The following PVT1 variants were observed in gnomAD, a reference collection of about 807,000 sequenced individuals.
PVT1 encodes CXCR4/PVT1 fusion.
At chr8:127,838,793 T>A (rs1488345645) in intron 2 of PVT1, among the ~76,000 whole-genome samples, 1 of 152,248 alleles carries the variant, frequency 6.6e-6, no homozygotes, top group Non-Finnish European at 1.5e-5. Flanking sequence ...ATCAATTAGC[T>A]CATTTCATCT....
At chr8:127,834,628 C>A (rs73353102) in intron 2 of PVT1, among the ~76,000 whole-genome samples, 3 of 152,130 alleles carry the variant, frequency 2.0e-5, no homozygotes, top group Non-Finnish European at 4.4e-5. Flanking sequence ...TCAGAGTCAA[C>A]AAGGAACCTA....
chr8:127,936,776 G>A (rs1816281319), intron 3 of PVT1, among the ~76,000 whole-genome samples: 1 of 152,270 alleles, frequency 6.6e-6, no homozygotes, highest in South Asian at 2.1e-4. Flanking sequence ...ACTTGAGCAG[G>A]TCTTTGCTCT....
chr8:127,990,291 C>T (rs1222578051), intron 4 of PVT1, among the ~76,000 whole-genome samples: 1 of 152,194 alleles, frequency 6.6e-6, no homozygotes, highest in Non-Finnish European at 1.5e-5. Flanking sequence ...TGCCCCTTCC[C>T]CTGCCCATTC....
intron 2 of PVT1, among the ~76,000 whole-genome samples, chr8:127,881,883 A>T (rs1481736462): frequency 6.6e-6 from 1 of 152,098 alleles, no homozygotes; most frequent in East Asian, 1.9e-4. Context: ...CTGGGACTAC[A>T]GGTGCGCCAC....
rs10105338 is a variant in PVT1 at position 128,060,814 on chromosome 8, T to C, written n.913-9346T>C. On this transcript the variant is annotated intron_variant and non_coding_transcript_variant, in intron 4 of 10. Coordinates refer to ENST00000651587, the Ensembl canonical transcript of PVT1. ...ATTTACATACCGTACAATTTACCAA[T>C]TTTAGAATATTTTCCTCATCTCAAA... 7.7e-3 allele frequency among the ~76,000 whole-genome samples: 1,168 copies of C among 152,328 alleles called. 18 individuals are homozygous for C. Among genetic ancestry groups the C allele is most frequent in the African/African-American group, 0.026 (1,099 of 41,578 alleles).
intron 3 of PVT1, among the ~76,000 whole-genome samples, chr8:127,955,881 G>A (rs893526001): frequency 6.6e-6 from 1 of 152,184 alleles, no homozygotes; most frequent in Non-Finnish European, 1.5e-5. Flanking sequence ...ACCACACCCG[G>A]CTGTAATATC....
At chr8:127,907,045 C>T (rs58086085) in intron 3 of PVT1, among the ~76,000 whole-genome samples, 5,229 of 151,760 alleles carry the variant, frequency 0.034, 325 homozygotes, top group African/African-American at 0.12. Context: ...ACTTCAACCT[C>T]CCTCTCCCGG....
At chr8:127,838,654 G>A (rs549351649) in intron 2 of PVT1, among the ~76,000 whole-genome samples, 19 of 152,300 alleles carry the variant, frequency 1.2e-4, no homozygotes, top group African/African-American at 4.6e-4. Flanking sequence ...TCAGTGAGTC[G>A]AGATGGTGCC....
chr8:127,826,504 C>A (rs1003289387), intron 2 of PVT1, among the ~76,000 whole-genome samples: 41 of 152,248 alleles, frequency 2.7e-4, no homozygotes, highest in African/African-American at 9.9e-4. Flanking sequence ...AGGGACCCAT[C>A]CAAGTTTGTC....
At position 127,873,670 on chromosome 8, in the gene PVT1, T is replaced by G. The variant is rs562473514; in HGVS notation, n.373-16919T>G. Among the ~76,000 whole-genome samples the G allele has an allele frequency of 2.6e-5, 4 of 152,278 alleles. No homozygotes were observed. The East Asian group carries it at 7.7e-4, about 29-fold the overall frequency. ...TAGGAATGTTAAATACCCCTCTTGG[T>G]GTACACAGTATGCAATGGAGGCAGG... On this transcript the variant is annotated intron_variant and non_coding_transcript_variant, in intron 2 of 10. Coordinates refer to ENST00000651587, the Ensembl canonical transcript of PVT1.
At chr8:128,007,848 C>T (rs1003148453) in intron 4 of PVT1, among the ~76,000 whole-genome samples, 5 of 152,188 alleles carry the variant, frequency 3.3e-5, no homozygotes, top group Non-Finnish European at 7.3e-5. Flanking sequence ...CAGTGGACAC[C>T]CACCTAATTT....
intron 2 of PVT1, among the ~76,000 whole-genome samples, chr8:127,877,674 C>A (rs1815420618): frequency 6.6e-6 from 1 of 152,186 alleles, no homozygotes; most frequent in African/African-American, 2.4e-5. Flanking sequence ...TCTTTGCAGA[C>A]AGGGACCAGT....
rs1165262061 is a variant in PVT1, at chr8:127,868,779, ATATATATATATATACATATATATG to A, written n.373-21807_373-21784del. ...TTCTCCTTCCTTTTAACATATATAT[ATATATATATATATACATATATATG>A]TACATATATATATATATGTATGTAT... On this transcript the variant is annotated intron_variant and non_coding_transcript_variant, in intron 2 of 10. Coordinates refer to ENST00000651587, the Ensembl canonical transcript of PVT1. 6.3e-3 allele frequency among the ~76,000 whole-genome samples: 740 copies of A among 117,700 alleles called. 28 individuals are homozygous for A. The highest frequency in any genetic ancestry group is 0.025 in the African/African-American group (687 of 26,950). The allele number at this position is 117,700 out of a possible 152,430, so 77.2% of individuals were successfully genotyped here. A position where few individuals can be genotyped will look rare whatever the true frequency, so the allele number is the denominator to read the frequency against.
At chr8:128,085,385 T>C (rs1484853081) in intron 5 of PVT1, among the ~76,000 whole-genome samples, 1 of 152,236 alleles carries the variant, frequency 6.6e-6, no homozygotes, top group East Asian at 1.9e-4. Flanking sequence ...ATGAAACAAT[T>C]ATTGTTTTAC....
Position 128,098,381 on chromosome 8 carries a change from G to A in PVT1, n.1251+1727G>A, listed in dbSNP as rs868829564. On this transcript the variant is annotated intron_variant and non_coding_transcript_variant, in intron 6 of 10. Coordinates refer to ENST00000651587, the Ensembl canonical transcript of PVT1. Reference sequence around the variant, plus strand: ...CAGGCCTGGCAGAGGGGTGCAGGAGGGGGTGCGAATGGAAAGACAGCTGCC... The same window carrying A: ...CAGGCCTGGCAGAGGGGTGCAGGAGAGGGTGCGAATGGAAAGACAGCTGCC... Among the ~76,000 whole-genome samples, 12 of 152,240 alleles carry A rather than the reference G, an allele frequency of 7.9e-5. No homozygotes were observed. In the South Asian group the frequency reaches 2.3e-3, roughly 29 times the overall value.
chr8:127,813,008 A>T (rs1349885374), intron 2 of PVT1, among the ~76,000 whole-genome samples: 1 of 151,896 alleles, frequency 6.6e-6, no homozygotes, highest in African/African-American at 2.4e-5. Flanking sequence ...TAATATAGGT[A>T]CAATCTGGAG....
At chr8:127,906,622 C>T (rs1586430456) in intron 3 of PVT1, among the ~76,000 whole-genome samples, 1 of 152,092 alleles carries the variant, frequency 6.6e-6, no homozygotes, top group East Asian at 1.9e-4. Flanking sequence ...GGGGTGGACT[C>T]TGTTTTGCCA....
intron 4 of PVT1, among the ~76,000 whole-genome samples, chr8:128,039,575 G>A (rs1028244803): frequency 1.3e-5 from 2 of 152,220 alleles, no homozygotes; most frequent in Admixed American, 6.5e-5. Context: ...GGGAGATGGT[G>A]GCTGGGGAGA....
In PVT1 at chr8:127,960,949, G is replaced by C. The variant is rs930247412; in HGVS notation, n.783-28213G>C. On this transcript the variant is annotated intron_variant and non_coding_transcript_variant, in intron 3 of 10. Coordinates refer to ENST00000651587, the Ensembl canonical transcript of PVT1. ...TTGTGTGTGTGTTTGGGGGTGGGGG[G>C]GGCGGGCGGGCACGAATAGGGGAGG... 9.9e-5 allele frequency among the ~76,000 whole-genome samples: 13 copies of C among 131,006 alleles called. 1 individual carries two copies. The highest frequency in any genetic ancestry group is 7.7e-4 in the Admixed American group (10 of 13,060). The allele number at this position is 131,006 out of a possible 152,430, so 85.9% of individuals were successfully genotyped here.
Sources: allele counts gnomAD v4.1 joint callset (sites outside exome capture counted in the v4.1 genomes callset), GRCh38; gene constraint gnomAD v4.1.1; transcripts MANE v1.5; gene names NCBI Gene and HGNC (gene_info 2026-07-23, HGNC 2026-07-21).